The following MAF variants were observed in gnomAD, a reference collection of about 807,000 sequenced individuals.
MAF encodes MAF bZIP transcription factor, also known as transcription factor Maf.
In MAF, 10 loss-of-function variants were observed where a neutral mutation model predicts 22.0. The observed-to-expected ratio is 0.45, with a 90% CI of 0.28 to 0.77. The LOEUF is 0.77. MAF is among the 30% of genes least tolerant of loss of function. MAF has a pLI of 0.12. For synonymous variants in MAF, 337 were observed against 255.8 expected (o/e 1.32, Z -3.03); for missense variants, 544 against 548.4 (o/e 0.99, Z 0.08).
chr16:79,271,469 C>G, the MAF span, among the ~76,000 whole-genome samples: 1 of 152,166 alleles, frequency 6.6e-6, no homozygotes, highest in Non-Finnish European at 1.5e-5. Context: ...ATTCGTGTAG[C>G]TGCAAAATAA....
chr16:79,374,574 G>A, the MAF span, among the ~76,000 whole-genome samples: 1 of 152,118 alleles, frequency 6.6e-6, no homozygotes, highest in Non-Finnish European at 1.5e-5. Flanking sequence ...CATCCATTCA[G>A]CAAGGATTTA....
At chr16:79,436,680 G>C in the MAF span, among the ~76,000 whole-genome samples, 3 of 152,322 alleles carry the variant, frequency 2.0e-5, no homozygotes, top group Admixed American at 2.0e-4. Context: ...ATTTAAAAGG[G>C]AGACCCTTGG....
At chr16:79,266,082 T>C in the MAF span, among the ~76,000 whole-genome samples, 1 of 152,000 alleles carries the variant, frequency 6.6e-6, no homozygotes, top group Non-Finnish European at 1.5e-5. Flanking sequence ...CTGTGTTGCC[T>C]AGGCTGGTCT....
At chr16:79,542,139 T>G in the MAF span, among the ~76,000 whole-genome samples, 3 of 152,256 alleles carry the variant, frequency 2.0e-5, no homozygotes, top group East Asian at 5.8e-4. Context: ...CAGCGGCAGG[T>G]GACCATCCTT....
chr16:79,370,915 A>T, the MAF span, among the ~76,000 whole-genome samples: 1 of 151,650 alleles, frequency 6.6e-6, no homozygotes, highest in African/African-American at 2.4e-5. Context: ...GTGGTTTCTC[A>T]TTTGTTCTGG....
chr16:79,364,765 T>G, the MAF span, among the ~76,000 whole-genome samples: 1 of 152,242 alleles, frequency 6.6e-6, no homozygotes, highest in Non-Finnish European at 1.5e-5. Context: ...GTCCTATGCC[T>G]GTGGGATCTT....
At chr16:79,228,769 G>A in the MAF span, among the ~76,000 whole-genome samples, 2 of 151,932 alleles carry the variant, frequency 1.3e-5, no homozygotes, top group Non-Finnish European at 2.9e-5. Flanking sequence ...TCAGGAAGAC[G>A]AATATAATGG....
the MAF span, among the ~76,000 whole-genome samples, chr16:79,374,682 A>G: frequency 6.6e-6 from 1 of 152,236 alleles, no homozygotes; most frequent in Non-Finnish European, 1.5e-5. Flanking sequence ...CAAGGACAGA[A>G]TTCTAGGGGA....
the MAF span, among the ~76,000 whole-genome samples, chr16:79,352,821 T>C: frequency 6.6e-6 from 1 of 152,136 alleles, no homozygotes; most frequent in African/African-American, 2.4e-5. Context: ...ACCCAAGTTG[T>C]GATTACCAAA....
chr16:79,496,240 G>C, the MAF span, among the ~76,000 whole-genome samples: 1 of 152,314 alleles, frequency 6.6e-6, no homozygotes, highest in South Asian at 2.1e-4. Context: ...ATAGAGCAAA[G>C]AAAGAGAATA....
At chr16:79,208,890 T>C in the MAF span, among the ~76,000 whole-genome samples, 2 of 152,156 alleles carry the variant, frequency 1.3e-5, no homozygotes, top group East Asian at 1.9e-4. Flanking sequence ...CAACAAGATA[T>C]TGTTACTGCT....
the MAF span, among the ~76,000 whole-genome samples, chr16:79,510,974 G>A: frequency 6.6e-6 from 1 of 152,198 alleles, no homozygotes; most frequent in Non-Finnish European, 1.5e-5. Context: ...AAGAAGCCCA[G>A]CTAATTGTGA....
At chr16:79,243,290 T>C in the MAF span, among the ~76,000 whole-genome samples, 1 of 151,948 alleles carries the variant, frequency 6.6e-6, no homozygotes, top group Non-Finnish European at 1.5e-5. Flanking sequence ...TATTTTTTTA[T>C]TTTTGTTTTT....
At chr16:79,347,383 G>A in the MAF span, among the ~76,000 whole-genome samples, 1 of 152,206 alleles carries the variant, frequency 6.6e-6, no homozygotes, top group African/African-American at 2.4e-5. Flanking sequence ...AGCGAGCCAG[G>A]AGTCTCGGTC....
chr16:79,287,496 C>T, the MAF span, among the ~76,000 whole-genome samples: 1 of 152,180 alleles, frequency 6.6e-6, no homozygotes, highest in Non-Finnish European at 1.5e-5. Flanking sequence ...TGGCAGGAGG[C>T]CAAGTGTTTT....
chr16:79,575,691 G>A, the MAF span, among the ~76,000 whole-genome samples: 10 of 152,286 alleles, frequency 6.6e-5, no homozygotes, highest in South Asian at 2.1e-4. Context: ...AGGGAGGAAC[G>A]TGGGACAAAG....
At chr16:79,352,872 A>C in the MAF span, among the ~76,000 whole-genome samples, 1 of 152,224 alleles carries the variant, frequency 6.6e-6, no homozygotes, top group Non-Finnish European at 1.5e-5. Flanking sequence ...GGAGGTATTA[A>C]ATTACCCTCA....
chr16:79,509,644 G>A, the MAF span, among the ~76,000 whole-genome samples: 1 of 152,246 alleles, frequency 6.6e-6, no homozygotes, highest in Admixed American at 6.5e-5. Context: ...GCCAAGGCCT[G>A]CGTTACCTTG....
the MAF span, among the ~76,000 whole-genome samples, chr16:79,257,692 C>A: frequency 6.6e-6 from 1 of 152,258 alleles, no homozygotes; most frequent in East Asian, 1.9e-4. Context: ...ATATTTGTGT[C>A]CAGTCTGTAC....
Sources: allele counts gnomAD v4.1 joint callset (sites outside exome capture counted in the v4.1 genomes callset), GRCh38; gene constraint gnomAD v4.1.1; transcripts MANE v1.5; gene names NCBI Gene and HGNC (gene_info 2026-07-23, HGNC 2026-07-21).